The following NKAIN2 variants were observed in gnomAD, a reference collection of about 807,000 sequenced individuals.
NKAIN2 encodes sodium/potassium transporting ATPase interacting 2.
Under a neutral mutation model 32.6 loss-of-function variants are expected in NKAIN2, and 14 were observed. The observed-to-expected ratio is 0.43, with a 90% CI of 0.28 to 0.67. The LOEUF (loss-of-function observed/expected upper bound fraction) is 0.67. Among genes scored for constraint, NKAIN2 ranks in the 30% least tolerant of loss-of-function variants. The pLI is 0.17. For missense variants in NKAIN2, 198 were observed against 258.3 expected (o/e 0.77, Z 1.60); for synonymous variants, 80 against 87.2 (o/e 0.92, Z 0.46).
At chr6:124,478,761 A>T (rs1398553428) in intron 3 of NKAIN2, among the ~76,000 whole-genome samples, 1 of 152,184 alleles carries the variant, frequency 6.6e-6, no homozygotes, top group Non-Finnish European at 1.5e-5. Flanking sequence ...ATTGATGTAG[A>T]TATTCTGCCC....
intron 1 of NKAIN2, among the ~76,000 whole-genome samples, chr6:123,968,565 C>G (rs2114630146): frequency 6.6e-6 from 1 of 152,212 alleles, no homozygotes; most frequent in South Asian, 2.1e-4. Flanking sequence ...TGAGATTCTT[C>G]ATTTATTTCT....
intron 1 of NKAIN2, among the ~76,000 whole-genome samples, chr6:124,278,189 G>A (rs934813182): frequency 1.3e-5 from 2 of 152,084 alleles, no homozygotes; most frequent in Non-Finnish European, 2.9e-5. Flanking sequence ...AAGTTGAATA[G>A]CAATAGATGC....
chr6:124,301,630 C>T (rs538784186), intron 2 of NKAIN2, among the ~76,000 whole-genome samples: 1 of 152,310 alleles, frequency 6.6e-6, no homozygotes, highest in Non-Finnish European at 1.5e-5. Flanking sequence ...AATGAGAACC[C>T]ACCTATTGTA....
At chr6:124,677,415 ATCT>A (rs1243513154) in intron 4 of NKAIN2, among the ~76,000 whole-genome samples, 2 of 151,882 alleles carry the variant, frequency 1.3e-5, no homozygotes, top group African/African-American at 2.4e-5. Context: ...GGTTTTTTTC[ATCT>A]TCTTTCACTC....
At chr6:123,936,200 T>C (rs1370289742) in intron 1 of NKAIN2, among the ~76,000 whole-genome samples, 2 of 152,194 alleles carry the variant, frequency 1.3e-5, no homozygotes, top group Admixed American at 6.6e-5. Flanking sequence ...CTGAGCATTG[T>C]GCATCGCACA....
At chr6:124,749,680 C>G (rs908237852) in intron 4 of NKAIN2, among the ~76,000 whole-genome samples, 6 of 151,860 alleles carry the variant, frequency 4.0e-5, no homozygotes, top group Non-Finnish European at 8.8e-5. Flanking sequence ...CTCTTTCAAT[C>G]CCAGTGCACC....
At chr6:124,791,265 G>C in intron 4 of NKAIN2, 74 bp from the exon 5 acceptor site, 1 of 1,145,402 alleles carries the variant, frequency 8.7e-7, no homozygotes, top group Non-Finnish European at 1.3e-6. Flanking sequence ...GCCTGACTTT[G>C]AAAAGCCACT....
intron 1 of NKAIN2, among the ~76,000 whole-genome samples, chr6:124,192,851 G>A (rs1170909256): frequency 7.0e-6 from 1 of 142,882 alleles, no homozygotes; most frequent in African/African-American, 2.6e-5. Context: ...CCGGGTTCAC[G>A]CCATTCTCCT....
chr6:124,295,471 T>G, intron 2 of NKAIN2, among the ~76,000 whole-genome samples: 1 of 152,166 alleles, frequency 6.6e-6, no homozygotes, highest in East Asian at 1.9e-4. Context: ...TAGTCTAGAA[T>G]AATGGCTTGA....
chr6:124,559,788 C>A (rs1327860062), intron 3 of NKAIN2, among the ~76,000 whole-genome samples: 1 of 151,368 alleles, frequency 6.6e-6, no homozygotes, highest in African/African-American at 2.4e-5. Context: ...GCAGAGCCCC[C>A]TCAGCTAGGC....
At chr6:123,937,423 A>C (rs543194130) in intron 1 of NKAIN2, among the ~76,000 whole-genome samples, 3 of 152,156 alleles carry the variant, frequency 2.0e-5, no homozygotes, top group Non-Finnish European at 2.9e-5. Context: ...CTTCTAATTA[A>C]ATTTGAATGC....
chr6:124,546,592 C>T (rs1780102526), intron 3 of NKAIN2, among the ~76,000 whole-genome samples: 1 of 151,700 alleles, frequency 6.6e-6, no homozygotes, highest in Admixed American at 6.6e-5. Flanking sequence ...TCTCCCCTAC[C>T]TCATCGAATA....
chr6:124,025,351 C>T (rs1281166224), intron 1 of NKAIN2, among the ~76,000 whole-genome samples: 1 of 152,044 alleles, frequency 6.6e-6, no homozygotes, highest in African/African-American at 2.4e-5. Context: ...TTCTGTTCTT[C>T]TCCCAATATA....
At chr6:124,465,025 A>G (rs149090467) in intron 3 of NKAIN2, among the ~76,000 whole-genome samples, 277 of 152,094 alleles carry the variant, frequency 1.8e-3, no homozygotes, top group African/African-American at 6.5e-3. Flanking sequence ...CCATTTGATT[A>G]TGTCCTCTCT....
chr6:124,781,744 G>T (rs1014005778), intron 4 of NKAIN2, among the ~76,000 whole-genome samples: 1 of 152,092 alleles, frequency 6.6e-6, no homozygotes, highest in Non-Finnish European at 1.5e-5. Flanking sequence ...AAGGAAGAAA[G>T]GGTCAGTGAA....
chr6:123,980,651 T>G (rs1778846561), intron 1 of NKAIN2, among the ~76,000 whole-genome samples: 1 of 152,188 alleles, frequency 6.6e-6, no homozygotes, highest in Non-Finnish European at 1.5e-5. Flanking sequence ...CAAACAAGAT[T>G]TGAATACTAA....
intron 3 of NKAIN2, among the ~76,000 whole-genome samples, chr6:124,359,956 T>C (rs1799194913): frequency 6.6e-6 from 1 of 152,230 alleles, no homozygotes; most frequent in Non-Finnish European, 1.5e-5. Flanking sequence ...CATCAATACC[T>C]AATTTATTGA....
chr6:124,646,653 A>G (rs1448423697), intron 3 of NKAIN2, among the ~76,000 whole-genome samples: 1 of 152,152 alleles, frequency 6.6e-6, no homozygotes, highest in African/African-American at 2.4e-5. Flanking sequence ...TGTATTTCCT[A>G]CATAAAGGAA....
intron 3 of NKAIN2, among the ~76,000 whole-genome samples, chr6:124,618,445 T>G (rs943702689): frequency 6.6e-6 from 1 of 152,146 alleles, no homozygotes; most frequent in African/African-American, 2.4e-5. Context: ...GCCATTGTAC[T>G]GCAACCTAGG....
Sources: allele counts gnomAD v4.1 joint callset (sites outside exome capture counted in the v4.1 genomes callset), GRCh38; gene constraint gnomAD v4.1.1; transcripts MANE v1.5; gene names NCBI Gene and HGNC (gene_info 2026-07-23, HGNC 2026-07-21).